The following GRM7 variants were observed in gnomAD, a reference collection of about 807,000 sequenced individuals.
GRM7 encodes the protein glutamate metabotropic receptor 7.
Under a neutral mutation model 84.5 loss-of-function variants are expected in GRM7, and 35 were observed. The ratio of observed to expected loss-of-function variants is 0.41; its 90% CI spans 0.32 to 0.55. The LOEUF (loss-of-function observed/expected upper bound fraction) is 0.55. Ranked by LOEUF, GRM7 falls within the 20% of genes least tolerant of loss-of-function variation. GRM7 has a pLI of 0.19. For synonymous variants in GRM7, 487 were observed against 455.1 expected (o/e 1.07, Z -0.89); for missense variants, 1,003 against 1,194.6 (o/e 0.84, Z 2.36).
Position 6,870,120 on chromosome 3 carries a change from A to G in GRM7, c.519+8213A>G, listed in dbSNP as rs113584818. 3.8e-3 allele frequency among the ~76,000 whole-genome samples: 572 copies of G among 151,364 alleles called. 4 individuals are homozygous for G. Among genetic ancestry groups the G allele is most frequent in the African/African-American group, 0.013 (538 of 41,160 alleles). ...CATTCTCATGTGTGAAAACAGATGG[A>G]TGTTATAAATACATCCTATGGATGT... On this transcript the variant is annotated intron_variant, in intron 1 of 9. Transcript: ENST00000357716.
At chr3:7,659,756 T>C (rs994258718) in intron 8 of GRM7, among the ~76,000 whole-genome samples, 1 of 152,060 alleles carries the variant, frequency 6.6e-6, no homozygotes, top group Non-Finnish European at 1.5e-5. Context: ...AGGAAGAGAG[T>C]GTGGATTTTC....
At chr3:7,225,337 CTTA>C (rs1044381754) in intron 2 of GRM7, among the ~76,000 whole-genome samples, 18 of 149,134 alleles carry the variant, frequency 1.2e-4, no homozygotes, top group African/African-American at 4.2e-4. Flanking sequence ...TAATATATAA[CTTA>C]TTATATATAC....
chr3:7,155,053 T>C (rs990131067), intron 2 of GRM7, among the ~76,000 whole-genome samples: 3 of 152,052 alleles, frequency 2.0e-5, no homozygotes, highest in African/African-American at 7.2e-5. Context: ...AGATCTAGAG[T>C]AGCTAAAAAT....
chr3:6,982,215 T>C (rs574969324), intron 1 of GRM7, among the ~76,000 whole-genome samples: 1 of 152,172 alleles, frequency 6.6e-6, no homozygotes, highest in African/African-American at 2.4e-5. Context: ...AAATACTTCA[T>C]GCTCTCATTT....
chr3:7,318,055 C>T (rs1017441035), intron 4 of GRM7, among the ~76,000 whole-genome samples: 8 of 151,690 alleles, frequency 5.3e-5, no homozygotes, highest in African/African-American at 1.5e-4. Context: ...ATCTACAAAC[C>T]GAGTAAGAAA....
Position 7,680,296 on chromosome 3 carries a change from G to C in GRM7, c.2698+1G>C. The C allele has an allele frequency of 1.2e-6, 2 of 1,613,818 alleles. No individual in the cohort carries two copies. The highest frequency in any genetic ancestry group is 1.7e-6 in the Non-Finnish European group (2 of 1,179,722). ...CTCTGTGAAAACGTAGACCCAAACA[G>C]TAAGTAACTCTCCGTTTCTTTCATC... On this transcript the variant is annotated splice_donor_variant, in intron 9 of 9. Transcript: ENST00000357716. LOFTEE classifies it high-confidence loss of function.
chr3:7,399,362 A>G (rs949303139), intron 4 of GRM7, among the ~76,000 whole-genome samples: 1 of 152,050 alleles, frequency 6.6e-6, no homozygotes, highest in African/African-American at 2.4e-5. Context: ...TGTCACACTT[A>G]TTACTTCTTA....
intron 1 of GRM7, among the ~76,000 whole-genome samples, chr3:7,121,692 G>T (rs1693227124): frequency 6.6e-6 from 1 of 152,130 alleles, no homozygotes; most frequent in Non-Finnish European, 1.5e-5. Context: ...GCCACTGGGG[G>T]TTACTATACT....
chr3:6,883,319 T>C (rs1264289256), intron 1 of GRM7, among the ~76,000 whole-genome samples: 1 of 152,096 alleles, frequency 6.6e-6, no homozygotes, highest in African/African-American at 2.4e-5. Flanking sequence ...TTTTTCTTTT[T>C]TAATTTATAA....
chr3:7,291,904 G>GT (rs1699643369), intron 2 of GRM7, among the ~76,000 whole-genome samples: 1 of 152,152 alleles, frequency 6.6e-6, no homozygotes, highest in Admixed American at 6.5e-5. Context: ...CATGGGGGCA[G>GT]TTCCCCCATA....
intron 7 of GRM7, among the ~76,000 whole-genome samples, chr3:7,502,407 C>T (rs1392129993): frequency 6.6e-6 from 1 of 152,156 alleles, no homozygotes; most frequent in Admixed American, 6.6e-5. Flanking sequence ...CAAAATAAGT[C>T]TGTTTTCTCT....
At chr3:7,094,065 G>A (rs964841389) in intron 1 of GRM7, among the ~76,000 whole-genome samples, 2 of 151,894 alleles carry the variant, frequency 1.3e-5, no homozygotes. Flanking sequence ...AGCATCTAGT[G>A]GGCACCATTC....
chr3:7,263,821 T>C (rs557958270), intron 2 of GRM7, among the ~76,000 whole-genome samples: 1 of 151,900 alleles, frequency 6.6e-6, no homozygotes, highest in Non-Finnish European at 1.5e-5. Flanking sequence ...AGGTTGGGGG[T>C]TCATTCATGC....
chr3:7,484,214 C>A (rs76041903), intron 7 of GRM7, among the ~76,000 whole-genome samples: 7 of 152,048 alleles, frequency 4.6e-5, no homozygotes, highest in Admixed American at 2.6e-4. Context: ...CTGATACATA[C>A]GTGGGTTTGT....
chr3:7,057,582 G>A lies in GRM7; in HGVS notation c.520-88870G>A, dbSNP rs537190583. Among the ~76,000 whole-genome samples the A allele has an allele frequency of 5.7e-4, 87 of 151,900 alleles. 1 individual carries two copies. In the South Asian group the frequency reaches 6.4e-3, roughly 11 times the overall value. ...AAATTGAATTGTGGCAAATCATTGC[G>A]TTTAAAAAATAAAAAAAATCAGTTC... On this transcript the variant is annotated intron_variant, in intron 1 of 9. Transcript: ENST00000357716.
intron 8 of GRM7, among the ~76,000 whole-genome samples, chr3:7,661,285 G>A (rs755903483): frequency 1.3e-5 from 2 of 152,092 alleles, no homozygotes; most frequent in Non-Finnish European, 2.9e-5. Flanking sequence ...AAACAACTGG[G>A]CAAAAATATT....
chr3:7,467,235 G>C (rs112574917), intron 7 of GRM7, among the ~76,000 whole-genome samples: 4 of 152,040 alleles, frequency 2.6e-5, no homozygotes, highest in Non-Finnish European at 5.9e-5. Context: ...CTACAGGCAC[G>C]TGCCACCACA....
At chr3:7,675,279 T>G (rs1476890748) in intron 8 of GRM7, among the ~76,000 whole-genome samples, 1 of 152,212 alleles carries the variant, frequency 6.6e-6, no homozygotes, top group Non-Finnish European at 1.5e-5. Flanking sequence ...TATTCTGGTT[T>G]TCAAAGTTGA....
intron 1 of GRM7, among the ~76,000 whole-genome samples, chr3:6,938,431 G>T (rs971589703): frequency 2.0e-5 from 3 of 152,168 alleles, no homozygotes; most frequent in African/African-American, 7.2e-5. Context: ...ACTGATCCTA[G>T]AGTCTTCAGT....
Sources: gnomAD v4.1 joint callset for allele counts (sites outside exome capture counted in the v4.1 genomes callset) on GRCh38, gnomAD v4.1.1 for gene constraint, MANE v1.5 for transcripts, NCBI Gene and HGNC (gene_info 2026-07-23, HGNC 2026-07-21) for gene names.